The following NXPH4 variants were observed in gnomAD, a reference collection of about 807,000 sequenced individuals.
The protein encoded by NXPH4 is neurexophilin 4, also known as neurexophilin-4.
In NXPH4, 8 loss-of-function variants were observed where a neutral mutation model predicts 21.3. That is an observed-to-expected ratio of 0.38 (90% CI 0.22 to 0.68). NXPH4 has a LOEUF of 0.68. Ranked by LOEUF, NXPH4 falls within the 30% of genes least tolerant of loss-of-function variation. The pLI, the probability that NXPH4 is intolerant of heterozygous loss-of-function variation, is 0.53. For missense variants in NXPH4, 418 were observed against 416.8 expected, an observed-to-expected ratio of 1.00 and a Z score of -0.03; for synonymous variants, 219 against 192.6, an observed-to-expected ratio of 1.14 and a Z score of -1.13.
chr12:57,217,370 G>T (rs1168759398), intron 1 of NXPH4, among the ~76,000 whole-genome samples: 1 of 152,194 alleles, frequency 6.6e-6, no homozygotes, highest in African/African-American at 2.4e-5. Context: ...CCGTCTTTCC[G>T]CGCCAGTCTC....
rs576878019 is a variant in NXPH4 at position 57,220,963 on chromosome 12, G to A, written c.58-3915G>A. Among the ~76,000 whole-genome samples the A allele has an allele frequency of 2.0e-5, 3 of 150,780 alleles. No homozygotes were observed. The East Asian group carries it at 5.9e-4, about 30-fold the overall frequency. On this transcript the variant is annotated intron_variant, in intron 1 of 1. Transcript: ENST00000349394. ...CTGTCCCCATGCTGCTTCCTGGACT[G>A]TTCTGTAGCCCATCTTCATTTCTCT...
intron 1 of NXPH4, chr12:57,221,316 G>C: frequency 2.2e-6 from 1 of 455,918 alleles, no homozygotes; most frequent in Non-Finnish European, 4.4e-6. Context: ...GCCCAGGCCT[G>C]GACTGTCCCT....
chr12:57,218,320 G>A lies in NXPH4; in HGVS notation c.57+1294G>A, dbSNP rs996977851. Among the ~76,000 whole-genome samples the A allele has an allele frequency of 1.3e-4, 20 of 152,200 alleles. No individual in the cohort carries two copies. The East Asian group carries it at 1.9e-3, about 15-fold the overall frequency. On this transcript the variant is annotated intron_variant, in intron 1 of 1. Transcript: ENST00000349394. ...ACCTGGTGACCTTGAGGGGCTGCAC[G>A]GTAGGCAGAGGAGCCCCTCCATGAA...
At chr12:57,220,150 G>A (rs1322835250) in intron 1 of NXPH4, among the ~76,000 whole-genome samples, 2 of 152,174 alleles carry the variant, frequency 1.3e-5, no homozygotes, top group Non-Finnish European at 2.9e-5. Flanking sequence ...GGAGTCGCAG[G>A]GCGTGGGGTG....
chr12:57,217,006 G>C lies in NXPH4; in HGVS notation c.37G>C (p.Gly13Arg), dbSNP rs2037045495. The C allele has an allele frequency of 6.2e-7, 1 of 1,607,006 alleles. No homozygotes were observed. Among genetic ancestry groups the C allele is most frequent in the African/African-American group, 1.3e-5 (1 of 74,456 alleles). ...LLPEWFLLLF[G>R]PWLLRKAVSA... ...CCCGGAATGGTTCCTCTTGCTCTTTGGCCCGTGGCTCCTTAGGAAGGTAAG... is the reference window on the plus strand; with the variant it reads ...CCCGGAATGGTTCCTCTTGCTCTTTCGCCCGTGGCTCCTTAGGAAGGTAAG... The change falls in exon 1 of 2, where the codon GGC becomes CGC. Residue 13 changes from glycine (G) to arginine (R), a missense_variant. Physicochemically the swap from Gly to Arg is moderately radical, Grantham distance 125. Coordinates refer to ENST00000349394, the MANE Select transcript of NXPH4 (RefSeq NM_007224.4).
In NXPH4 at chr12:57,225,722, A is replaced by G. The variant is rs1361870804; in HGVS notation, c.902A>G (p.Gln301Arg). 1.2e-6 allele frequency: 2 copies of G among 1,613,122 alleles called. No homozygotes were observed. The highest frequency in any genetic ancestry group is 1.3e-5 in the African/African-American group (1 of 74,892). Residue 301 changes from glutamine (Q) to arginine (R), a missense_variant, in exon 2 of 2, where the codon CAG becomes CGG. By Grantham distance (43) the Gln-to-Arg change is conservative. Coordinates refer to ENST00000349394, the MANE Select transcript of NXPH4 (RefSeq NM_007224.4). ...VQKVCPDYNF[Q>R]SEHPYFG Reference sequence around the variant, plus strand: ...AAGGTGTGCCCAGACTATAACTTCCAGAGTGAGCACCCCTACTTCGGATAG... The same window carrying G: ...AAGGTGTGCCCAGACTATAACTTCCGGAGTGAGCACCCCTACTTCGGATAG...
chr12:57,225,775 C>T lies in NXPH4; in HGVS notation c.*28C>T. The T allele has an allele frequency of 6.3e-7, 1 of 1,589,578 alleles. No individual in the cohort carries two copies. The highest frequency in any genetic ancestry group is 1.1e-5 in the South Asian group (1 of 88,694). On this transcript the variant is annotated 3_prime_UTR_variant, in exon 2 of 2. Coordinates refer to ENST00000349394, the MANE Select transcript of NXPH4 (RefSeq NM_007224.4). Reference sequence around the variant, plus strand: ...CCCCTCCCCAGCCAGTCCTGAGCCTCCCGCCAAATCCCAGCCTCACTAGGT... The same window carrying T: ...CCCCTCCCCAGCCAGTCCTGAGCCTTCCGCCAAATCCCAGCCTCACTAGGT...
intron 1 of NXPH4, among the ~76,000 whole-genome samples, chr12:57,221,714 A>G (rs901553957): frequency 3.9e-5 from 6 of 152,138 alleles, no homozygotes; most frequent in African/African-American, 1.4e-4. Context: ...ACCGCGCCCA[A>G]TTAGCTTAAT....
chr12:57,220,347 A>G (rs1196949771), intron 1 of NXPH4, among the ~76,000 whole-genome samples: 1 of 152,202 alleles, frequency 6.6e-6, no homozygotes, highest in Non-Finnish European at 1.5e-5. Context: ...CGCGCCCCGG[A>G]GCCGGCGCCT....
intron 1 of NXPH4, among the ~76,000 whole-genome samples, chr12:57,220,395 G>A (rs1470967221): frequency 1.3e-5 from 2 of 152,260 alleles, no homozygotes; most frequent in Non-Finnish European, 2.9e-5. Flanking sequence ...AGTGAGGCGC[G>A]GGGCGGGGGG....
At position 57,224,879 on chromosome 12, in the gene NXPH4, C is replaced by T; in HGVS notation, c.59C>T (p.Ala20Val). The T allele has an allele frequency of 1.2e-6, 1 of 868,860 alleles. No homozygotes were observed. 53.8% of individuals were successfully genotyped at this position (868,860 alleles called of 1,614,324 possible). Residue 20 changes from alanine (A) to valine (V), a missense_variant and splice_region_variant, in exon 2 of 2, where the codon GCC (alanine) becomes GTC (valine). Ala to Val is a moderately conservative substitution (Grantham distance 64). Coordinates refer to ENST00000349394, the MANE Select transcript of NXPH4 (RefSeq NM_007224.4). ...LLFGPWLLRK[A>V]VSAQIPESGR... ...TCTCTCCTCTTTCTTCGTGCACAGG[C>T]CGTCAGTGCCCAGATACCAGAGTCC...
At chr12:57,221,057 C>G (rs2037086896) in intron 1 of NXPH4, among the ~76,000 whole-genome samples, 1 of 152,106 alleles carries the variant, frequency 6.6e-6, no homozygotes, top group African/African-American at 2.4e-5. Flanking sequence ...TGCTTCTCAT[C>G]CCTGTCCCCA....
At chr12:57,221,759 G>T (rs145721887) in intron 1 of NXPH4, among the ~76,000 whole-genome samples, 1 of 152,126 alleles carries the variant, frequency 6.6e-6, no homozygotes. Flanking sequence ...ACCCCTCCTC[G>T]GACAACATCC....
Position 57,225,280 on chromosome 12 carries a change from A to G in NXPH4, c.460A>G (p.Ile154Val). Residue 154 changes from isoleucine (I) to valine (V), a missense_variant, in exon 2 of 2, where the codon ATC becomes GTC. Transcript: ENST00000349394. Reference sequence around the variant, plus strand: ...CAGCCTGGGCAACCTCAGTGTCAGCATCGTGCCGCCCTCCAAGCGTGTCGA... The same window carrying G: ...CAGCCTGGGCAACCTCAGTGTCAGCGTCGTGCCGCCCTCCAAGCGTGTCGA... Reference protein sequence around the residue: ...SSSLGNLSVSIVPPSKRVEFG... With the variant: ...SSSLGNLSVSVVPPSKRVEFG... The G allele has an allele frequency of 6.4e-7, 1 of 1,551,048 alleles. No individual in the cohort carries two copies. Among genetic ancestry groups the G allele is most frequent in the Non-Finnish European group, 8.7e-7 (1 of 1,149,700 alleles).
At chr12:57,220,748 C>T (rs944541230) in intron 1 of NXPH4, among the ~76,000 whole-genome samples, 7 of 152,148 alleles carry the variant, frequency 4.6e-5, no homozygotes, top group Non-Finnish European at 7.4e-5. Flanking sequence ...TCTCTGTCCC[C>T]GTCTCCTGTG....
intron 1 of NXPH4, among the ~76,000 whole-genome samples, chr12:57,224,053 C>T (rs1485937455): frequency 6.6e-6 from 1 of 152,256 alleles, no homozygotes; most frequent in Non-Finnish European, 1.5e-5. Context: ...GGCTGAGGCC[C>T]AGGTGGGGGC....
chr12:57,218,796 T>C (rs2037062979), intron 1 of NXPH4, among the ~76,000 whole-genome samples: 1 of 152,210 alleles, frequency 6.6e-6, no homozygotes. Context: ...TGTGTGAATA[T>C]GTATAACTGC....
chr12:57,216,973 C>T lies in NXPH4; in HGVS notation c.4C>T (p.Arg2Trp), dbSNP rs1289072111. The T allele has an allele frequency of 8.1e-6, 13 of 1,598,952 alleles. No individual in the cohort carries two copies. The highest frequency in any genetic ancestry group is 2.3e-5 in the East Asian group (1 of 44,038). ...CCCCGCTCAGCCGCCAGAGAAGATGCGGCTGCTCCCGGAATGGTTCCTCTT... is the reference window on the plus strand; with the variant it reads ...CCCCGCTCAGCCGCCAGAGAAGATGTGGCTGCTCCCGGAATGGTTCCTCTT... M[R>W]LLPEWFLLLF... Residue 2 changes from arginine to tryptophan, a missense_variant, in exon 1 of 2, where the codon CGG (arginine) becomes TGG (tryptophan). Transcript: ENST00000349394. This position sits in a 1 kb window ranked among gnomAD's most constrained non-coding sequence, Gnocchi z 5.3.
chr12:57,220,267 C>T (rs1052325832), intron 1 of NXPH4, among the ~76,000 whole-genome samples: 5 of 152,188 alleles, frequency 3.3e-5, no homozygotes, highest in African/African-American at 1.2e-4. Flanking sequence ...ACCTCCACCC[C>T]GCCCACTCCC....
Sources: allele counts gnomAD v4.1 joint callset (sites outside exome capture counted in the v4.1 genomes callset), GRCh38; gene constraint gnomAD v4.1.1; non-coding constraint Gnocchi (gnomAD v3.1); transcripts MANE v1.5; gene names NCBI Gene and HGNC (gene_info 2026-07-23, HGNC 2026-07-21).